The following OR10A6 variants were observed in gnomAD, a reference collection of about 807,000 sequenced individuals.
OR10A6 encodes olfactory receptor family 10 subfamily A member 6 (gene/pseudogene).
OR10A6 carries 2 observed loss-of-function variants against 1.5 expected under a neutral mutation model. The ratio of observed to expected loss-of-function variants is 1.31; its 90% CI spans 0.54 to 4.13. The LOEUF (loss-of-function observed/expected upper bound fraction) is 4.13. Among genes scored for constraint, OR10A6 ranks in the 30% most tolerant of loss-of-function variants. The probability of loss-of-function intolerance (pLI) is 0.07; values close to 1 mark genes in which losing one functional copy is unlikely to be tolerated. For missense variants in OR10A6, 492 were observed against 368.6 expected, an observed-to-expected ratio of 1.33 and a Z score of -2.74; for synonymous variants, 169 against 137.3, an observed-to-expected ratio of 1.23 and a Z score of -1.61.
At position 7,925,767 on chromosome 11, in the gene OR10A6, A is replaced by G. The variant is rs1001364905; in HGVS notation, c.*1951T>C. On this transcript the variant is annotated 3_prime_UTR_variant, in exon 4 of 4. Coordinates refer to ENST00000641238, the MANE Select transcript of OR10A6 (RefSeq NM_001004461.2). ...TCAGGATATCAAGAGATGGGATCCA[A>G]TCAAAGGCTTTTGCTGAGGGCTGTT... 1.3e-5 allele frequency: 2 copies of G among 152,218 alleles called. No homozygotes were observed. The highest frequency in any genetic ancestry group is 2.9e-5 in the Non-Finnish European group (2 of 68,038). 9.4% of individuals were successfully genotyped at this position (152,218 alleles called of 1,614,324 possible).
chr11:7,927,596 G>T lies in OR10A6; in HGVS notation c.*122C>A. ...TGCTCCTGATATACAATCAAACTTG[G>T]AGAACACAATAAATTAGTCATACTC... On this transcript the variant is annotated 3_prime_UTR_variant, in exon 4 of 4. Coordinates refer to ENST00000641238, the MANE Select transcript of OR10A6 (RefSeq NM_001004461.2). 1.6e-6 allele frequency: 1 copy of T among 626,008 alleles called. No individual in the cohort carries two copies. Among genetic ancestry groups the T allele is most frequent in the Non-Finnish European group, 2.7e-6 (1 of 363,700 alleles). The allele number at this position is 626,008 out of a possible 1,614,324, so 38.8% of individuals were successfully genotyped here.
intron 3 of OR10A6, 25 bp downstream of exon 3, chr11:7,930,836 T>C (rs1859520431): frequency 6.6e-6 from 1 of 152,194 alleles, no homozygotes; most frequent in Non-Finnish European, 1.5e-5. Flanking sequence ...GTGTCTTGGA[T>C]AGATCACTGA....
Position 7,928,958 on chromosome 11 carries a change from T to C in OR10A6, c.-296A>G, listed in dbSNP as rs1859473533. ...AACATAGCCTTAATGGAAATATAAA[T>C]ACTTTATACCTTAGGTTCCAATCCC... On this transcript the variant is annotated 5_prime_UTR_variant, in exon 4 of 4. Coordinates refer to ENST00000641238, the MANE Select transcript of OR10A6 (RefSeq NM_001004461.2). 6.9e-6 allele frequency: 2 copies of C among 289,652 alleles called. No individual in the cohort carries two copies. Among genetic ancestry groups the C allele is most frequent in the Non-Finnish European group, 1.3e-5 (2 of 158,998 alleles). The allele number at this position is 289,652 out of a possible 1,614,324, so 17.9% of individuals were successfully genotyped here.
chr11:7,929,755 T>TATATATATACAC lies in OR10A6; in HGVS notation c.-1094_-1093insGTGTATATATAT, dbSNP rs55811645. 8.4e-4 allele frequency: 82 copies of TATATATATACAC among 97,234 alleles called. No homozygotes were observed. The highest frequency in any genetic ancestry group is 1.1e-3 in the Non-Finnish European group (51 of 44,932). The allele number at this position is 97,234 out of a possible 1,614,324, so 6.0% of individuals were successfully genotyped here. ...ATATATATATATATATATATATATA[T>TATATATATACAC]ACACACACATGCACACATATATATA... On this transcript the variant is annotated 5_prime_UTR_variant, in exon 4 of 4. Coordinates refer to ENST00000641238, the MANE Select transcript of OR10A6 (RefSeq NM_001004461.2).
chr11:7,925,424 A>G lies in OR10A6; in HGVS notation c.*2294T>C, dbSNP rs1211932120. 1 of 152,172 alleles carries G rather than the reference A, an allele frequency of 6.6e-6. No individual in the cohort carries two copies. Among genetic ancestry groups the G allele is most frequent in the South Asian group, 2.1e-4 (1 of 4,834 alleles). The allele number at this position is 152,172 out of a possible 1,614,324, so 9.4% of individuals were successfully genotyped here. Reference sequence around the variant, plus strand: ...TTGTAATTTCATGAACATCTTGCCAATCCAGGCTTTATTTATCACAAAGGC... The same window carrying G: ...TTGTAATTTCATGAACATCTTGCCAGTCCAGGCTTTATTTATCACAAAGGC... On this transcript the variant is annotated 3_prime_UTR_variant, in exon 4 of 4. Coordinates refer to ENST00000641238, the MANE Select transcript of OR10A6 (RefSeq NM_001004461.2).
Position 7,927,045 on chromosome 11 carries a change from T to C in OR10A6, c.*673A>G, listed in dbSNP as rs1859415312. On this transcript the variant is annotated 3_prime_UTR_variant, in exon 4 of 4. Transcript: ENST00000641238. Reference sequence around the variant, plus strand: ...CTTCAAAAATGATCACATGATGTTCTCTACTCAAAACACTGGAGGAATATA... The same window carrying C: ...CTTCAAAAATGATCACATGATGTTCCCTACTCAAAACACTGGAGGAATATA... 1 of 152,216 alleles carries C rather than the reference T, an allele frequency of 6.6e-6. No homozygotes were observed. Among genetic ancestry groups the C allele is most frequent in the Non-Finnish European group, 1.5e-5 (1 of 68,042 alleles). The allele number at this position is 152,216 out of a possible 1,614,324, so 9.4% of individuals were successfully genotyped here.
Position 7,927,817 on chromosome 11 carries a change from T to C in OR10A6, c.846A>G (p.Thr282=). The part of the protein sequence containing the change: ...KVMSLSYSLL[T]PLLNLLIYSL... ...TGTAGATAAGCAGATTCAGCAGTGG[T>C]GTCAGAAGTGAGTAAGACAATGACA... Residue 282 remains threonine (T), a synonymous_variant, in exon 4 of 4, where the codon ACA becomes ACG. Coordinates refer to ENST00000641238, the MANE Select transcript of OR10A6 (RefSeq NM_001004461.2). 1 of 1,613,908 alleles carries C rather than the reference T, an allele frequency of 6.2e-7. No homozygotes were observed. Among genetic ancestry groups the C allele is most frequent in the Non-Finnish European group, 8.5e-7 (1 of 1,179,862 alleles).
At position 7,930,846 on chromosome 11, in the gene OR10A6, A is replaced by T. The variant is rs1859520562; in HGVS notation, c.-1854+15T>A. The T allele has an allele frequency of 6.6e-6, 1 of 152,178 alleles. No homozygotes were observed. Among genetic ancestry groups the T allele is most frequent in the Admixed American group, 6.6e-5 (1 of 15,260 alleles). 9.4% of individuals were successfully genotyped at this position (152,178 alleles called of 1,614,324 possible). On this transcript the variant is annotated intron_variant, in intron 3 of 3. Coordinates refer to ENST00000641238, the MANE Select transcript of OR10A6 (RefSeq NM_001004461.2). Reference sequence around the variant, plus strand: ...TCATGGTGTCTTGGATAGATCACTGACAAGTAATACTTACGCAGATCACTT... The same window carrying T: ...TCATGGTGTCTTGGATAGATCACTGTCAAGTAATACTTACGCAGATCACTT...
rs1454231931 is a variant in OR10A6, at chr11:7,925,552, C to T, written c.*2166G>A. 6.7e-6 allele frequency: 1 copy of T among 148,896 alleles called. No homozygotes were observed. The highest frequency in any genetic ancestry group is 1.5e-5 in the Non-Finnish European group (1 of 67,134). The allele number at this position is 148,896 out of a possible 1,614,324, so 9.2% of individuals were successfully genotyped here. On this transcript the variant is annotated 3_prime_UTR_variant, in exon 4 of 4. Coordinates refer to ENST00000641238, the MANE Select transcript of OR10A6 (RefSeq NM_001004461.2). ...AGACTATTTCATTAGATTTAGCTCT[C>T]TTAAGACATTTTTATAAAGAATTTT... is the stretch of plus-strand genomic sequence containing the variant.
chr11:7,929,949 GGTATGT>G lies in OR10A6; in HGVS notation c.-1293_-1288del, dbSNP rs1168644199. On this transcript the variant is annotated 5_prime_UTR_variant, in exon 4 of 4. Transcript: ENST00000641238. ...ATTATATATATATAAGCTCTAGTAA[GGTATGT>G]GTATGTGTATGTATATATATATATA... The G allele has an allele frequency of 2.8e-5, 1 of 35,910 alleles. No individual in the cohort carries two copies. Among genetic ancestry groups the G allele is most frequent in the Admixed American group, 3.7e-4 (1 of 2,672 alleles). The allele number at this position is 35,910 out of a possible 1,614,324, so 2.2% of individuals were successfully genotyped here.
chr11:7,927,683 G>T lies in OR10A6; in HGVS notation c.*35C>A. Reference sequence around the variant, plus strand: ...TTAAATTTAGATTGAATACAGTCATGCAGTGACTAAATCTTACATGGCTTC... The same window carrying T: ...TTAAATTTAGATTGAATACAGTCATTCAGTGACTAAATCTTACATGGCTTC... On this transcript the variant is annotated 3_prime_UTR_variant, in exon 4 of 4. Coordinates refer to ENST00000641238, the MANE Select transcript of OR10A6 (RefSeq NM_001004461.2). 7.4e-7 allele frequency: 1 copy of T among 1,350,856 alleles called. No homozygotes were observed. Among genetic ancestry groups the T allele is most frequent in the Non-Finnish European group, 1.1e-6 (1 of 948,130 alleles). 83.7% of individuals were successfully genotyped at this position (1,350,856 alleles called of 1,614,324 possible).
chr11:7,928,669 T>C lies in OR10A6; in HGVS notation c.-7A>G, dbSNP rs780107448. On this transcript the variant is annotated 5_prime_UTR_variant, in exon 4 of 4. Transcript: ENST00000641238. ...TTTGATTTTGTCTTTCCATTTTCAG[T>C]AATGAAGTCGTGCATTGATTTTATG... 2.5e-6 allele frequency: 4 copies of C among 1,582,908 alleles called. No homozygotes were observed. The highest frequency in any genetic ancestry group is 2.2e-5 in the East Asian group (1 of 44,756).
rs1859480549 is a variant in OR10A6, at chr11:7,929,355, T to C, written c.-693A>G. The C allele has an allele frequency of 6.6e-6, 1 of 152,150 alleles. No individual in the cohort carries two copies. The highest frequency in any genetic ancestry group is 1.5e-5 in the Non-Finnish European group (1 of 68,018). The allele number at this position is 152,150 out of a possible 1,614,324, so 9.4% of individuals were successfully genotyped here. ...GGGATTTACCTGGATGTGAAGTTTT[T>C]GGGGCCAGATCTCCAAGGTCTATCC... On this transcript the variant is annotated 5_prime_UTR_variant, in exon 4 of 4. Coordinates refer to ENST00000641238, the MANE Select transcript of OR10A6 (RefSeq NM_001004461.2).
In OR10A6 at chr11:7,928,159, A is replaced by G. The variant is rs1260852493; in HGVS notation, c.504T>C (p.Phe168=). Residue 168 remains phenylalanine, a synonymous_variant, in exon 4 of 4, where the codon TTT becomes TTC. Transcript: ENST00000641238. ...TATGGTTAATTTCATTAAGGCCACA[A>G]AAGGGAAAACTAGATACCCATGATG... ...VQTSWVSSFP[F]CGLNEINHIS... is the part of the protein sequence containing the mutation. 3.7e-6 allele frequency: 6 copies of G among 1,613,834 alleles called. No individual in the cohort carries two copies. The highest frequency in any genetic ancestry group is 5.1e-6 in the Non-Finnish European group (6 of 1,179,928).
rs1300626275 is a variant in OR10A6 at position 7,925,075 on chromosome 11, G to T, written c.*2643C>A. 1 of 151,906 alleles carries T rather than the reference G, an allele frequency of 6.6e-6. No individual in the cohort carries two copies. The highest frequency in any genetic ancestry group is 1.5e-5 in the Non-Finnish European group (1 of 67,980). The allele number at this position is 151,906 out of a possible 1,614,324, so 9.4% of individuals were successfully genotyped here. ...TTTTTCTACTTAAAGAACAAAAATG[G>T]GGTTTTCTCTATTAAAGAAAAAGGA... On this transcript the variant is annotated 3_prime_UTR_variant, in exon 4 of 4. Coordinates refer to ENST00000641238, the MANE Select transcript of OR10A6 (RefSeq NM_001004461.2).
rs1272467523 is a variant in OR10A6 at position 7,927,050 on chromosome 11, T to G, written c.*668A>C. On this transcript the variant is annotated 3_prime_UTR_variant, in exon 4 of 4. Transcript: ENST00000641238. ...AAAATGATCACATGATGTTCTCTACTCAAAACACTGGAGGAATATATATTC... is the reference window on the plus strand; with the variant it reads ...AAAATGATCACATGATGTTCTCTACGCAAAACACTGGAGGAATATATATTC... 6.6e-6 allele frequency: 1 copy of G among 152,178 alleles called. No individual in the cohort carries two copies. The highest frequency in any genetic ancestry group is 1.5e-5 in the Non-Finnish European group (1 of 68,028). The allele number at this position is 152,178 out of a possible 1,614,324, so 9.4% of individuals were successfully genotyped here. A position where few individuals can be genotyped will look rare whatever the true frequency, so the allele number is the denominator to read the frequency against.
At chr11:7,930,751 T>C (rs1455748619) in intron 3 of OR10A6, 110 bp downstream of exon 3, 1 of 152,144 alleles carries the variant, frequency 6.6e-6, no homozygotes, top group Non-Finnish European at 1.5e-5. Flanking sequence ...TAAAAGTAGA[T>C]TGGTTTTAAA....
rs775859899 is a variant in OR10A6, at chr11:7,927,845, A to T, written c.818T>A (p.Val273Glu). 4.2e-5 allele frequency: 67 copies of T among 1,613,792 alleles called. No homozygotes were observed. Among genetic ancestry groups the T allele is most frequent in the Non-Finnish European group, 5.4e-5 (64 of 1,179,950 alleles). The stretch of plus-strand genomic sequence containing the variant: ...CAGAAGTGAGTAAGACAATGACATC[A>T]CTTTCTTGGTTTCCGGTGAGTAGCC... ...KSGYSPETKK[V>E]MSLSYSLLTP... is the part of the protein sequence containing the mutation. Residue 273 changes from valine (V) to glutamate (E), a missense_variant, in exon 4 of 4, where the codon GTG becomes GAG. Physicochemically the swap from Val to Glu is moderately radical, Grantham distance 121 (BLOSUM62 -2). Transcript: ENST00000641238.
Position 7,927,572 on chromosome 11 carries a change from G to C in OR10A6, c.*146C>G. ...ACTAAAAACATTAACATATAAAGAT[G>C]CTCCTGATATACAATCAAACTTGGA... On this transcript the variant is annotated 3_prime_UTR_variant, in exon 4 of 4. Transcript: ENST00000641238. 1.8e-6 allele frequency: 1 copy of C among 565,296 alleles called. No homozygotes were observed. The highest frequency in any genetic ancestry group is 3.1e-6 in the Non-Finnish European group (1 of 320,226). The allele number at this position is 565,296 out of a possible 1,614,324, so 35.0% of individuals were successfully genotyped here.
Sources: gnomAD v4.1 joint callset for allele counts on GRCh38, gnomAD v4.1.1 for gene constraint, MANE v1.5 for transcripts, NCBI Gene and HGNC (gene_info 2026-07-23, HGNC 2026-07-21) for gene names.